Variants in SEC23B observed in about 807,000 individuals in gnomAD.
The protein encoded by SEC23B is protein transport protein Sec23B.
Under a neutral mutation model 104.3 loss-of-function variants are expected in SEC23B, and 77 were observed. The observed-to-expected ratio is 0.74, with a 90% CI of 0.61 to 0.89. The LOEUF is 0.89. SEC23B is among the 40% of genes least tolerant of loss of function. SEC23B has a pLI of 0.00. For synonymous variants in SEC23B, 338 were observed against 332.5 expected, an observed-to-expected ratio of 1.02 and a Z score of -0.18; for missense variants, 885 against 949.4, an observed-to-expected ratio of 0.93 and a Z score of 0.89.
At chr20:18,547,388 T>G (rs984153541) in intron 15 of SEC23B, among the ~76,000 whole-genome samples, 2 of 152,168 alleles carry the variant, frequency 1.3e-5, no homozygotes, top group African/African-American at 4.8e-5. Context: ...CAGCCTTGAT[T>G]ATTATTTAGG....
rs190055290 is a variant in SEC23B at position 18,538,414 on chromosome 20, T to C, written c.1404+2672T>C. ...ACAGGCACCCGCCACCACGCCCAGC[T>C]AATTTTTTTTTTGTATTTTTAGTAG... On this transcript the variant is annotated intron_variant, in intron 12 of 19. Transcript: ENST00000650089. Among the ~76,000 whole-genome samples the C allele has an allele frequency of 2.4e-3, 366 of 152,042 alleles. 6 individuals carry two copies. The highest frequency in any genetic ancestry group is 0.02 in the Admixed American group (300 of 15,264).
intron 19 of SEC23B, among the ~76,000 whole-genome samples, chr20:18,558,070 A>G (rs1044570634): frequency 6.6e-6 from 1 of 152,046 alleles, no homozygotes; most frequent in African/African-American, 2.4e-5. Context: ...CCATTCTTTT[A>G]GCATAGGTCT....
At position 18,542,223 on chromosome 20, in the gene SEC23B, G is replaced by C. The variant is rs1226257971; in HGVS notation, c.1405-73G>C. On this transcript the variant is annotated intron_variant, in intron 12 of 19. Coordinates refer to ENST00000650089, the MANE Select transcript of SEC23B (RefSeq NM_006363.6). ...CATTGCTGTGTCAGTCATTTTAGAA[G>C]AGTACAGTGGGCTCTGTGACCGTGT... The C allele has an allele frequency of 2.4e-6, 3 of 1,242,056 alleles. No homozygotes were observed. In the African/African-American group the frequency reaches 4.4e-5, roughly 18 times the overall value. The allele number at this position is 1,242,056 out of a possible 1,614,324, so 76.9% of individuals were successfully genotyped here. A position where few individuals can be genotyped will look rare whatever the true frequency, so the allele number is the denominator to read the frequency against.
At chr20:18,528,014 A>C (rs540369667) in intron 9 of SEC23B, among the ~76,000 whole-genome samples, 9 of 152,232 alleles carry the variant, frequency 5.9e-5, no homozygotes, top group African/African-American at 1.7e-4. Flanking sequence ...GACTAACTCC[A>C]AGTGCACTCA....
chr20:18,540,405 A>T (rs1010282056), intron 12 of SEC23B, among the ~76,000 whole-genome samples: 11 of 152,210 alleles, frequency 7.2e-5, no homozygotes, highest in African/African-American at 2.4e-4. Flanking sequence ...AGCAGGTCTC[A>T]ACAGTGGGCT....
intron 19 of SEC23B, among the ~76,000 whole-genome samples, chr20:18,560,335 C>T (rs761669817): frequency 6.6e-5 from 10 of 152,120 alleles, no homozygotes; most frequent in African/African-American, 1.9e-4. Context: ...TATGGGCCTC[C>T]GTGAGCTCAC....
At chr20:18,541,068 A>G (rs2148914779) in intron 12 of SEC23B, among the ~76,000 whole-genome samples, 1 of 152,364 alleles carries the variant, frequency 6.6e-6, no homozygotes, top group East Asian at 1.9e-4. Context: ...CAGTTTCTAC[A>G]TCAGCACATG....
rs2060295993 is a variant in SEC23B, at chr20:18,542,387, C to T, written c.1496C>T (p.Thr499Ile). The T allele has an allele frequency of 6.2e-7, 1 of 1,613,986 alleles. No homozygotes were observed. ...AGCACCCAGAGACGCATCCGCGTGA[C>T]CACCATCGCCCGAAAGTAAGCAGCC... ...HSSTQRRIRVTTIARNWADVQ... is the reference protein window; with the variant it reads ...HSSTQRRIRVITIARNWADVQ... Residue 499 changes from threonine to isoleucine, a missense_variant, in exon 13 of 20, where the codon ACC becomes ATC. By Grantham distance (89) the Thr-to-Ile change is moderately conservative (BLOSUM62 -1). Coordinates refer to ENST00000650089, the MANE Select transcript of SEC23B (RefSeq NM_006363.6).
At chr20:18,543,216 T>C in intron 14 of SEC23B, 44 bp downstream of exon 14, 1 of 1,612,950 alleles carries the variant, frequency 6.2e-7, no homozygotes, top group South Asian at 1.1e-5. Context: ...TGGTTTCTGC[T>C]TTACTTTCGA....
In SEC23B at chr20:18,543,301, C is replaced by T. The variant is rs1171819797; in HGVS notation, c.1665+129C>T. On this transcript the variant is annotated intron_variant, in intron 14 of 19. Transcript: ENST00000650089. ...TATCAGTTGCCTACCTTATGCTGCA[C>T]GCTGGACATTCTGTTAAAGACGTGT... is the stretch of plus-strand genomic sequence containing the variant. 1.7e-5 allele frequency: 19 copies of T among 1,123,462 alleles called. 1 individual carries two copies. Among genetic ancestry groups the T allele is most frequent in the East Asian group, 5.0e-5 (2 of 40,140 alleles). 69.6% of individuals were successfully genotyped at this position (1,123,462 alleles called of 1,614,324 possible).
chr20:18,523,708 C>CTT (rs79077915), intron 4 of SEC23B, among the ~76,000 whole-genome samples: 1 of 139,856 alleles, frequency 7.2e-6, no homozygotes, highest in Non-Finnish European at 1.6e-5. Context: ...CCCTCTTTTT[C>CTT]TTTTTTTTTT....
chr20:18,510,740 G>C, intron 1 of SEC23B, 82 bp from the exon 2 acceptor site: 2 of 1,063,416 alleles, frequency 1.9e-6, no homozygotes, highest in Non-Finnish European at 1.4e-6. Context: ...GAGAAACACT[G>C]TGTTACATGA....
intron 17 of SEC23B, among the ~76,000 whole-genome samples, chr20:18,551,417 T>C (rs2060385929): frequency 2.0e-5 from 3 of 152,160 alleles, no homozygotes; most frequent in African/African-American, 4.8e-5. Flanking sequence ...TTAATCATAT[T>C]TGCTGTTAAG....
At chr20:18,546,443 G>A (rs2060332662) in intron 15 of SEC23B, among the ~76,000 whole-genome samples, 1 of 152,168 alleles carries the variant, frequency 6.6e-6, no homozygotes, top group Non-Finnish European at 1.5e-5. Flanking sequence ...TGGTTATTAT[G>A]TGCATCATAA....
In SEC23B at chr20:18,548,232, T is replaced by G. The variant is rs2060351687; in HGVS notation, c.1744-377T>G. The stretch of plus-strand genomic sequence containing the variant: ...TCCCAAAGTGCTGGGATTACAGGCG[T>G]GAGCCACCACGCCTGGCCAAAGGCC... On this transcript the variant is annotated intron_variant, in intron 15 of 19. Transcript: ENST00000650089. 2.6e-5 allele frequency among the ~76,000 whole-genome samples: 4 copies of G among 151,728 alleles called. No homozygotes were observed. The South Asian group carries it at 6.3e-4, about 24-fold the overall frequency.
At chr20:18,557,307 G>T (rs1203835183) in intron 19 of SEC23B, among the ~76,000 whole-genome samples, 1 of 151,908 alleles carries the variant, frequency 6.6e-6, no homozygotes, top group Non-Finnish European at 1.5e-5. Flanking sequence ...AGTGCCCTAG[G>T]TTTTTTTATT....
chr20:18,560,605 C>A, intron 19 of SEC23B, 46 bp from the exon 20 acceptor site: 1 of 1,459,488 alleles, frequency 6.9e-7, no homozygotes, highest in Non-Finnish European at 9.6e-7. Flanking sequence ...GAATTCTAAT[C>A]AGCTTCTAAG....
intron 3 of SEC23B, among the ~76,000 whole-genome samples, chr20:18,513,524 T>C (rs991366312): frequency 4.7e-4 from 72 of 152,350 alleles, no homozygotes; most frequent in East Asian, 3.9e-4. Flanking sequence ...TCCAGCATAG[T>C]GTACACTGTT....
chr20:18,516,092 A>G (rs1282401179), intron 4 of SEC23B: 9 of 263,436 alleles, frequency 3.4e-5, no homozygotes, highest in Admixed American at 1.0e-4. Context: ...CATTGGCTCT[A>G]TATTTGAAAT....
Sources: allele counts gnomAD v4.1 joint callset (sites outside exome capture counted in the v4.1 genomes callset), GRCh38; gene constraint gnomAD v4.1.1; transcripts MANE v1.5; gene names NCBI Gene and HGNC (gene_info 2026-07-23, HGNC 2026-07-21).